KIAA1328: variants seen among roughly 807,000 people sequenced by gnomAD.
KIAA1328 encodes the protein protein hinderin.
A neutral mutation model predicts 68.1 loss-of-function variants in KIAA1328; 52 were observed. The observed-to-expected ratio is 0.76, with a 90% CI of 0.61 to 0.96. The LOEUF (loss-of-function observed/expected upper bound fraction) is 0.96. KIAA1328 is among the 40% of genes least tolerant of loss of function. KIAA1328 has a pLI of 0.00. For missense variants in KIAA1328, 641 were observed against 677.6 expected, an observed-to-expected ratio of 0.95 and a Z score of 0.60; for synonymous variants, 232 against 239.4, an observed-to-expected ratio of 0.97 and a Z score of 0.28.
chr18:37,085,890 A>C (rs143069400), intron 7 of KIAA1328, among the ~76,000 whole-genome samples: 1 of 152,042 alleles, frequency 6.6e-6, no homozygotes. Flanking sequence ...CTCTCAATAT[A>C]TCTATATCAA....
intron 6 of KIAA1328, among the ~76,000 whole-genome samples, chr18:37,029,642 A>G (rs759994597): frequency 2.0e-5 from 3 of 152,162 alleles, no homozygotes; most frequent in Non-Finnish European, 2.9e-5. Context: ...AGTATGTACC[A>G]AGTGCAGACA....
chr18:37,051,805 G>A (rs1327296616), intron 6 of KIAA1328, among the ~76,000 whole-genome samples: 1 of 152,156 alleles, frequency 6.6e-6, no homozygotes, highest in African/African-American at 2.4e-5. Context: ...CACTTTGGGA[G>A]GCCAAGGCAG....
At chr18:37,068,153 G>A (rs2056409737) in intron 7 of KIAA1328, among the ~76,000 whole-genome samples, 2 of 152,178 alleles carry the variant, frequency 1.3e-5, no homozygotes, top group African/African-American at 2.4e-5. Context: ...ATCCTTTGCT[G>A]TTTGATATCA....
intron 5 of KIAA1328, among the ~76,000 whole-genome samples, chr18:36,941,844 T>C (rs2050724203): frequency 6.6e-6 from 1 of 152,056 alleles, no homozygotes; most frequent in South Asian, 2.1e-4. Context: ...GCAGAATCAT[T>C]ACTAAAGACC....
At position 36,959,287 on chromosome 18, in the gene KIAA1328, TC is replaced by T; in HGVS notation, c.449-18del. ...GTTTGAATCAATTTTTCAGTTTTTT[TC>T]CCTTAATTTGCAATCTCACCTCTTC... On this transcript the variant is annotated intron_variant, in intron 5 of 9. Coordinates refer to ENST00000280020, the MANE Select transcript of KIAA1328 (RefSeq NM_020776.3). 6.5e-7 allele frequency: 1 copy of T among 1,548,690 alleles called. No individual in the cohort carries two copies. The highest frequency in any genetic ancestry group is 2.3e-5 in the Admixed American group (1 of 43,148).
In KIAA1328 at chr18:37,223,060, A is replaced by G. The variant is rs1030785439; in HGVS notation, c.*833A>G. 1 of 133,718 alleles carries G rather than the reference A, an allele frequency of 7.5e-6. No homozygotes were observed. Among genetic ancestry groups the G allele is most frequent in the Admixed American group, 6.2e-4 (1 of 1,610 alleles). 8.3% of individuals were successfully genotyped at this position (133,718 alleles called of 1,614,324 possible). On this transcript the variant is annotated 3_prime_UTR_variant, in exon 10 of 10. Coordinates refer to ENST00000280020, the MANE Select transcript of KIAA1328 (RefSeq NM_020776.3). ...TTCAGCTTATTCACCCCACCCCCCC[A>G]CCCCCCATCACACGTGCTCCTGTGA...
chr18:36,875,125 T>C (rs987416910), intron 4 of KIAA1328, among the ~76,000 whole-genome samples: 2 of 152,222 alleles, frequency 1.3e-5, no homozygotes, highest in African/African-American at 4.8e-5. Flanking sequence ...GCTTTGTTCT[T>C]TTTGCATAGG....
intron 7 of KIAA1328, among the ~76,000 whole-genome samples, chr18:37,126,858 C>G (rs1315369973): frequency 1.3e-5 from 2 of 152,044 alleles, no homozygotes; most frequent in African/African-American, 4.8e-5. Flanking sequence ...TGATTTGTTT[C>G]AACAAATGCA....
At chr18:37,013,442 C>T (rs1320839794) in intron 6 of KIAA1328, among the ~76,000 whole-genome samples, 1 of 152,058 alleles carries the variant, frequency 6.6e-6, no homozygotes, top group African/African-American at 2.4e-5. Context: ...ACAAACGATC[C>T]TGTCACCCAG....
At chr18:37,030,936 G>C (rs1320295431) in intron 6 of KIAA1328, among the ~76,000 whole-genome samples, 1 of 151,568 alleles carries the variant, frequency 6.6e-6, no homozygotes, top group African/African-American at 2.4e-5. Flanking sequence ...TGTGGTGTTT[G>C]GTTTTCTGTC....
At chr18:37,076,906 C>T (rs2056758649) in intron 7 of KIAA1328, among the ~76,000 whole-genome samples, 1 of 152,162 alleles carries the variant, frequency 6.6e-6, no homozygotes, top group Non-Finnish European at 1.5e-5. Context: ...ACCAGAGATA[C>T]AAGGAGGAAC....
intron 5 of KIAA1328, among the ~76,000 whole-genome samples, chr18:36,910,009 T>A (rs532657721): frequency 1.3e-5 from 2 of 152,320 alleles, no homozygotes; most frequent in South Asian, 2.1e-4. Flanking sequence ...GTTTGAGTTC[T>A]TTGTAGATTC....
In KIAA1328 at chr18:37,067,021, A is replaced by C; in HGVS notation, c.708A>C (p.Ser236=). The change falls in exon 7 of 10, where the codon TCA becomes TCC. Residue 236 remains serine, a synonymous_variant. Coordinates refer to ENST00000280020, the MANE Select transcript of KIAA1328 (RefSeq NM_020776.3). ...AGTCTGCAGTCCAGGATTCAGCTTCAGAATCCCTTATAGCATTTAGGAATA... is the reference window on the plus strand; with the variant it reads ...AGTCTGCAGTCCAGGATTCAGCTTCCGAATCCCTTATAGCATTTAGGAATA... ...RPKSAVQDSA[S]ESLIAFRNNS... is the part of the protein sequence containing the mutation. The C allele has an allele frequency of 6.2e-7, 1 of 1,613,966 alleles. No individual in the cohort carries two copies. The highest frequency in any genetic ancestry group is 8.5e-7 in the Non-Finnish European group (1 of 1,179,870).
intron 7 of KIAA1328, among the ~76,000 whole-genome samples, chr18:37,158,833 G>A (rs1366423077): frequency 6.6e-6 from 1 of 152,074 alleles, no homozygotes; most frequent in Non-Finnish European, 1.5e-5. Context: ...GAAGCCAATG[G>A]TTGGGGTCAC....
chr18:37,014,394 G>T (rs1045783715), intron 6 of KIAA1328, among the ~76,000 whole-genome samples: 2 of 152,146 alleles, frequency 1.3e-5, no homozygotes, highest in African/African-American at 4.8e-5. Flanking sequence ...TGAGAACCTA[G>T]TTATAAATGC....
intron 4 of KIAA1328, among the ~76,000 whole-genome samples, chr18:36,877,727 C>T (rs1431493426): frequency 5.6e-5 from 8 of 142,028 alleles, no homozygotes; most frequent in South Asian, 2.2e-4. Flanking sequence ...AGTGCAGTGG[C>T]GCGATCTCGA....
chr18:37,095,209 A>G (rs986197402), intron 7 of KIAA1328, among the ~76,000 whole-genome samples: 4 of 152,208 alleles, frequency 2.6e-5, no homozygotes, highest in Admixed American at 6.5e-5. Context: ...ATCTGATTCA[A>G]TCTGCACTAT....
chr18:37,213,104 C>T (rs1162231028), intron 9 of KIAA1328, among the ~76,000 whole-genome samples: 1 of 152,166 alleles, frequency 6.6e-6, no homozygotes, highest in Admixed American at 6.5e-5. Context: ...TAATTAAAAG[C>T]AACATCAGTC....
chr18:36,829,550 C>A (rs1467882980), intron 1 of KIAA1328: 1 of 740,852 alleles, frequency 1.3e-6, no homozygotes, highest in Non-Finnish European at 1.7e-6. Context: ...CTTGAGTGTG[C>A]GGAGCTAGCT....
Sources: allele counts gnomAD v4.1 joint callset (sites outside exome capture counted in the v4.1 genomes callset), GRCh38; gene constraint gnomAD v4.1.1; transcripts MANE v1.5; gene names NCBI Gene and HGNC (gene_info 2026-07-23, HGNC 2026-07-21).